The following CSMD1 variants were observed in gnomAD, a reference collection of about 807,000 sequenced individuals.
The protein encoded by CSMD1 is CUB and Sushi multiple domains 1.
A neutral mutation model predicts 417.5 loss-of-function variants in CSMD1; 213 were observed. That is an observed-to-expected ratio of 0.51 (90% CI 0.46 to 0.57). CSMD1 has a LOEUF of 0.57. Among genes scored for constraint, CSMD1 ranks in the 20% least tolerant of loss-of-function variants. The pLI is 0.00. For missense variants in CSMD1, 6,923 were observed against 4,529.7 expected, an observed-to-expected ratio of 1.53 and a Z score of -15.17; for synonymous variants, 2,862 against 1,736.8, an observed-to-expected ratio of 1.65 and a Z score of -16.11.
At position 3,554,129 on chromosome 8, in the gene CSMD1, C is replaced by T. The variant is rs541343896; in HGVS notation, c.1344+20816G>A. 3.3e-5 allele frequency among the ~76,000 whole-genome samples: 5 copies of T among 152,230 alleles called. No homozygotes were observed. In the South Asian group the frequency reaches 8.3e-4, roughly 25 times the overall value. Reference sequence around the variant, plus strand: ...ATTTAATGCATGTCTAAGCTCATGCCTTTTATACAAGTGAAACATACACAA... The same window carrying T: ...ATTTAATGCATGTCTAAGCTCATGCTTTTTATACAAGTGAAACATACACAA... On this transcript the variant is annotated intron_variant, in intron 10 of 69. Transcript: ENST00000635120.
At chr8:3,060,572 G>T (rs1030629917) in intron 49 of CSMD1, among the ~76,000 whole-genome samples, 2 of 152,144 alleles carry the variant, frequency 1.3e-5, no homozygotes, top group Non-Finnish European at 2.9e-5. Context: ...CATGATTGTT[G>T]TAAGTTGGTT....
At chr8:3,852,941 T>A (rs1191240408) in intron 5 of CSMD1, among the ~76,000 whole-genome samples, 1 of 152,172 alleles carries the variant, frequency 6.6e-6, no homozygotes, top group African/African-American at 2.4e-5. Flanking sequence ...TCACTAAATA[T>A]TGCTCCATTT....
chr8:4,972,984 TTC>T (rs1810332318), intron 1 of CSMD1, among the ~76,000 whole-genome samples: 1 of 152,214 alleles, frequency 6.6e-6, no homozygotes, highest in Non-Finnish European at 1.5e-5. Flanking sequence ...CACTTGGACT[TTC>T]TGTGTGATTT....
At chr8:3,704,013 G>A (rs551660397) in intron 7 of CSMD1, among the ~76,000 whole-genome samples, 1 of 152,164 alleles carries the variant, frequency 6.6e-6, no homozygotes, top group Non-Finnish European at 1.5e-5. Context: ...AGAGGTTTCA[G>A]TGAGCTGAGA....
chr8:4,213,189 T>C (rs973483005), intron 3 of CSMD1, among the ~76,000 whole-genome samples: 8 of 152,186 alleles, frequency 5.3e-5, no homozygotes, highest in African/African-American at 1.9e-4. Context: ...TAGTTGAGAA[T>C]GTGAATCATA....
At chr8:4,950,483 A>G (rs1402668121) in intron 1 of CSMD1, among the ~76,000 whole-genome samples, 1 of 152,202 alleles carries the variant, frequency 6.6e-6, no homozygotes, top group Non-Finnish European at 1.5e-5. Flanking sequence ...AGGATAAGAA[A>G]TAAATCAGCC....
At chr8:3,565,986 T>C (rs1380601255) in intron 10 of CSMD1, among the ~76,000 whole-genome samples, 1 of 152,184 alleles carries the variant, frequency 6.6e-6, no homozygotes, top group East Asian at 1.9e-4. Flanking sequence ...CTTTCATCAA[T>C]ATAATACATT....
chr8:4,228,495 G>C (rs1714822), intron 3 of CSMD1, among the ~76,000 whole-genome samples: 81,639 of 151,054 alleles, frequency 0.54, 23,032 homozygotes, highest in Non-Finnish European at 0.63. Context: ...TCCCCCAACT[G>C]TCTCTGGTCT....
intron 5 of CSMD1, among the ~76,000 whole-genome samples, chr8:3,991,346 G>A (rs1472878435): frequency 6.6e-6 from 1 of 152,172 alleles, no homozygotes; most frequent in Non-Finnish European, 1.5e-5. Context: ...GGGATGGCCA[G>A]TTTTCTCCAC....
intron 38 of CSMD1, among the ~76,000 whole-genome samples, chr8:3,158,723 G>C (rs951157617): frequency 6.6e-6 from 1 of 151,882 alleles, no homozygotes; most frequent in Non-Finnish European, 1.5e-5. Flanking sequence ...GGTGATCCAT[G>C]AGACCTCTGT....
intron 41 of CSMD1, among the ~76,000 whole-genome samples, chr8:3,133,637 T>G (rs537843133): frequency 6.6e-6 from 1 of 152,154 alleles, no homozygotes; most frequent in African/African-American, 2.4e-5. Context: ...GGCATAGAGC[T>G]TAGCTCTGGG....
chr8:4,204,504 A>G (rs988339250), intron 3 of CSMD1, among the ~76,000 whole-genome samples: 6 of 152,208 alleles, frequency 3.9e-5, no homozygotes, highest in Admixed American at 2.0e-4. Flanking sequence ...ACCAGATTCA[A>G]TTTCCATAAT....
chr8:3,942,347 C>A (rs539496986), intron 5 of CSMD1, among the ~76,000 whole-genome samples: 2 of 152,198 alleles, frequency 1.3e-5, no homozygotes, highest in African/African-American at 4.8e-5. Context: ...TGGTGTCAGG[C>A]GCCAAAATGG....
At chr8:3,166,467 G>A (rs907401359) in intron 37 of CSMD1, among the ~76,000 whole-genome samples, 1 of 152,170 alleles carries the variant, frequency 6.6e-6, no homozygotes, top group Non-Finnish European at 1.5e-5. Context: ...CTGGGAAGCA[G>A]AGGTTGCAGT....
At chr8:4,313,803 C>A (rs1798765649) in intron 3 of CSMD1, among the ~76,000 whole-genome samples, 1 of 151,974 alleles carries the variant, frequency 6.6e-6, no homozygotes, top group African/African-American at 2.4e-5. Flanking sequence ...ATCAAAAGGT[C>A]AGGAGTTCGA....
At chr8:3,493,243 G>A (rs189700995) in intron 11 of CSMD1, among the ~76,000 whole-genome samples, 12 of 144,588 alleles carry the variant, frequency 8.3e-5, no homozygotes, top group Admixed American at 5.6e-4. Context: ...GCAGTGAGCC[G>A]AGATCTGACC....
chr8:3,316,438 A>G, intron 23 of CSMD1, among the ~76,000 whole-genome samples: 1 of 152,222 alleles, frequency 6.6e-6, no homozygotes, highest in East Asian at 1.9e-4. Flanking sequence ...ATAAATACTT[A>G]TAAAACAACA....
At chr8:4,008,934 C>G (rs1177308879) in intron 4 of CSMD1, among the ~76,000 whole-genome samples, 1 of 152,068 alleles carries the variant, frequency 6.6e-6, no homozygotes, top group East Asian at 1.9e-4. Flanking sequence ...CTAAATTGTG[C>G]TCCTATGATT....
intron 37 of CSMD1, among the ~76,000 whole-genome samples, chr8:3,170,120 C>T (rs557544537): frequency 1.3e-5 from 2 of 152,262 alleles, no homozygotes; most frequent in African/African-American, 4.8e-5. Context: ...TAGAAGCACC[C>T]TTCTGCGCAA....
Sources: gnomAD v4.1 joint callset for allele counts (sites outside exome capture counted in the v4.1 genomes callset) on GRCh38, gnomAD v4.1.1 for gene constraint, MANE v1.5 for transcripts, NCBI Gene and HGNC (gene_info 2026-07-23, HGNC 2026-07-21) for gene names.